FBXL18: variants seen among roughly 807,000 people sequenced by gnomAD.
FBXL18 encodes F-box and leucine rich repeat protein 18, also known as F-box/LRR-repeat protein 18.
A neutral mutation model predicts 46.0 loss-of-function variants in FBXL18; 36 were observed. The ratio of observed to expected loss-of-function variants is 0.78; its 90% confidence interval spans 0.60 to 1.03. The LOEUF (loss-of-function observed/expected upper bound fraction) is 1.03, where lower values mean the gene tolerates loss of function less well. FBXL18 is among the 50% of genes least tolerant of loss of function. The probability of loss-of-function intolerance (pLI) is 0.00; values close to 1 mark genes in which losing one functional copy is unlikely to be tolerated. For missense variants in FBXL18, 977 were observed against 1,004.1 expected, an observed-to-expected ratio of 0.97 and a Z score of 0.36; for synonymous variants, 557 against 465.3, an observed-to-expected ratio of 1.20 and a Z score of -2.54.
At chr7:5,505,309 C>A in intron 2 of FBXL18, 103 bp downstream of exon 2, 1 of 1,106,970 alleles carries the variant, frequency 9.0e-7, no homozygotes, top group Non-Finnish European at 1.3e-6. Flanking sequence ...GGAGTTCCTG[C>A]CACCTTTATA....
intron 4 of FBXL18, among the ~76,000 whole-genome samples, chr7:5,456,634 G>A (rs1195873233): frequency 9.1e-6 from 1 of 109,984 alleles, no homozygotes; most frequent in East Asian, 2.1e-4. Flanking sequence ...AGAACTTAAG[G>A]TATGGAAAAA....
chr7:5,456,563 T>TG (rs572883501), intron 4 of FBXL18, among the ~76,000 whole-genome samples: 164 of 133,272 alleles, frequency 1.2e-3, no homozygotes, highest in African/African-American at 4.2e-3. Context: ...CTCAGCAAGG[T>TG]GGGGGGGCTC....
intron 3 of FBXL18, among the ~76,000 whole-genome samples, chr7:5,492,029 G>A (rs1160248025): frequency 6.6e-5 from 10 of 151,540 alleles, no homozygotes; most frequent in Non-Finnish European, 1.2e-4. Context: ...GGAGGACAGC[G>A]CTGGATGGCT....
At chr7:5,463,713 T>TA (rs1251173661) in intron 4 of FBXL18, among the ~76,000 whole-genome samples, 2 of 66,912 alleles carry the variant, frequency 3.0e-5, no homozygotes, top group Non-Finnish European at 2.8e-5. Flanking sequence ...TATTTATTTA[T>TA]TTATTTATTT....
At position 5,480,080 on chromosome 7, in the gene FBXL18, C is replaced by G. The variant is rs2128233504; in HGVS notation, c.*1695G>C. Among the ~76,000 whole-genome samples, 1 of 152,312 alleles carries G rather than the reference C, an allele frequency of 6.6e-6. No individual in the cohort carries two copies. Among genetic ancestry groups the G allele is most frequent in the African/African-American group, 2.4e-5 (1 of 41,570 alleles). ...GGAGCTTGGCCCCCAGAGCAAGGAG[C>G]TGCTGAAAACCATCCCCACTCAGGG... On this transcript the variant is annotated 3_prime_UTR_variant, in exon 5 of 5. Transcript: ENST00000382368.
At chr7:5,469,305 G>C (rs573551851) in intron 4 of FBXL18, among the ~76,000 whole-genome samples, 1 of 152,134 alleles carries the variant, frequency 6.6e-6, no homozygotes, top group African/African-American at 2.4e-5. Context: ...CCAGCTACTC[G>C]GGAGGCTGAG....
intron 4 of FBXL18, among the ~76,000 whole-genome samples, chr7:5,486,896 G>A (rs1488044425): frequency 1.3e-5 from 2 of 152,216 alleles, no homozygotes; most frequent in Non-Finnish European, 2.9e-5. Flanking sequence ...AACAGCCCGG[G>A]GCCAGGTCCT....
In FBXL18 at chr7:5,496,012, C is replaced by T. The variant is rs903151037; in HGVS notation, c.1781+4476G>A. On this transcript the variant is annotated intron_variant, in intron 3 of 4. Transcript: ENST00000382368. The surrounding 1 kb of genome is among the most constrained non-coding windows in gnomAD (Gnocchi z 4.8). ...CACAGAACCCGCAGGCCTCTCCGCG[C>T]CTTCTCCATGGCCCTGCTCCTGAGG... 8 of 410,836 alleles carry T rather than the reference C, an allele frequency of 1.9e-5. No homozygotes were observed. Among genetic ancestry groups the T allele is most frequent in the African/African-American group, 1.2e-4 (6 of 48,582 alleles). The allele number at this position is 410,836 out of a possible 1,614,324, so 25.4% of individuals were successfully genotyped here.
chr7:5,466,144 G>T lies in FBXL18; in HGVS notation c.2001-18301C>A, dbSNP rs145870058. Among the ~76,000 whole-genome samples, 464 of 147,376 alleles carry T rather than the reference G, an allele frequency of 3.1e-3. 2 individuals carry two copies. Among genetic ancestry groups the T allele is most frequent in the African/African-American group, 0.011 (437 of 39,990 alleles). On this transcript the variant is annotated intron_variant and NMD_transcript_variant, in intron 4 of 6. Coordinates refer to the FBXL18 transcript ENST00000415009. ...TCCTGAATCTATTTTTAAAAAACAA[G>T]TCTGGTAAAAGACATCAGAGAATTT... is the stretch of plus-strand genomic sequence containing the variant.
At chr7:5,456,289 G>A (rs186796070) in intron 4 of FBXL18, among the ~76,000 whole-genome samples, 176 of 152,316 alleles carry the variant, frequency 1.2e-3, no homozygotes, top group Non-Finnish European at 2.2e-3. Flanking sequence ...TGGGCTCTCA[G>A]GAGGCAAAGC....
chr7:5,505,762 T>A, intron 1 of FBXL18, 132 bp from the exon 2 acceptor site: 1 of 690,086 alleles, frequency 1.4e-6, no homozygotes. Context: ...AACTCTCAAC[T>A]GAATGACAAA....
downstream of FBXL18, among the ~76,000 whole-genome samples, chr7:5,472,408 G>A (rs1442329752): frequency 6.6e-6 from 1 of 152,178 alleles, no homozygotes; most frequent in African/African-American, 2.4e-5. Flanking sequence ...CCATGTGACA[G>A]CCAAAGCCAG....
At chr7:5,465,112 G>A (rs1012626121) in intron 4 of FBXL18, among the ~76,000 whole-genome samples, 3 of 152,086 alleles carry the variant, frequency 2.0e-5, no homozygotes, top group African/African-American at 7.2e-5. Context: ...CAAAATAAAA[G>A]ATCATATCGT....
chr7:5,483,441 A>C (rs1584204042), intron 4 of FBXL18, among the ~76,000 whole-genome samples: 1 of 45,764 alleles, frequency 2.2e-5, no homozygotes, highest in South Asian at 1.0e-3. Context: ...ACTCCATCTC[A>C]AAAAAAGAAA....
In FBXL18 at chr7:5,501,748, C is replaced by T. The variant is rs754107171; in HGVS notation, c.521G>A (p.Arg174Gln). ...AGTGAACAGCGTCTGCTTGAGCTCC[C>T]GCACGCGGCTCAGGGTGGCCTTGCA... ...SECKATLSRVRELKQTLFTPS... is the reference protein window; with the variant it reads ...SECKATLSRVQELKQTLFTPS... Residue 174 changes from arginine (R) to glutamine (Q), a missense_variant, in exon 3 of 5, where the codon CGG becomes CAG. Arg to Gln is a conservative substitution (Grantham distance 43, BLOSUM62 1). Transcript: ENST00000382368. 7.7e-6 allele frequency: 12 copies of T among 1,560,892 alleles called. No homozygotes were observed. The highest frequency in any genetic ancestry group is 7.2e-5 in the East Asian group (3 of 41,770).
chr7:5,508,440 TAA>T (rs11396812), intron 1 of FBXL18, among the ~76,000 whole-genome samples: 46 of 132,668 alleles, frequency 3.5e-4, no homozygotes, highest in Admixed American at 3.8e-4. Context: ...AGACTTTGTC[TAA>T]AAAAAAAAAA....
chr7:5,469,829 T>A (rs1584188782), intron 4 of FBXL18, among the ~76,000 whole-genome samples: 1 of 151,380 alleles, frequency 6.6e-6, no homozygotes, highest in Non-Finnish European at 1.5e-5. Context: ...TGTGTGTGTG[T>A]GATATGGGTG....
At chr7:5,502,911 C>T (rs1460693456) in intron 2 of FBXL18, among the ~76,000 whole-genome samples, 4 of 151,914 alleles carry the variant, frequency 2.6e-5, no homozygotes, top group Non-Finnish European at 5.9e-5. Flanking sequence ...AGCAACTTCA[C>T]TCCTAGGGAC....
downstream of FBXL18, among the ~76,000 whole-genome samples, chr7:5,473,432 C>A (rs1783459701): frequency 9.0e-6 from 1 of 111,222 alleles, no homozygotes; most frequent in Non-Finnish European, 1.8e-5. Flanking sequence ...TAAAGGAGGT[C>A]TCTGCCCCAA....
Sources: gnomAD v4.1 joint callset for allele counts (sites outside exome capture counted in the v4.1 genomes callset) on GRCh38, gnomAD v4.1.1 for gene constraint, Gnocchi (gnomAD v3.1) non-coding constraint, MANE v1.5 for transcripts, NCBI Gene and HGNC (gene_info 2026-07-23, HGNC 2026-07-21) for gene names.